The following ROBO2 variants were observed in gnomAD, a reference collection of about 807,000 sequenced individuals.
ROBO2 encodes the protein roundabout guidance receptor 2, also known as roundabout homolog 2.
A neutral mutation model predicts 160.8 loss-of-function variants in ROBO2; 53 were observed. That is an observed-to-expected ratio of 0.33 (90% confidence interval 0.26 to 0.41). The LOEUF is 0.41. Ranked by LOEUF, ROBO2 falls within the 10% of genes least tolerant of loss-of-function variation. ROBO2 has a pLI of 1.00. For synonymous variants in ROBO2, 664 were observed against 611.7 expected (o/e 1.09, Z -1.26); for missense variants, 1,577 against 1,722.4 (o/e 0.92, Z 1.49).
chr3:76,683,480 A>T (rs1456706590), intron 2 of ROBO2, among the ~76,000 whole-genome samples: 1 of 150,878 alleles, frequency 6.6e-6, no homozygotes, highest in Non-Finnish European at 1.5e-5. Context: ...AAAAAAAAAA[A>T]CCTGGAAAAC....
intron 2 of ROBO2, among the ~76,000 whole-genome samples, chr3:76,977,662 G>A (rs894389217): frequency 2.6e-5 from 4 of 152,068 alleles, no homozygotes; most frequent in African/African-American, 7.2e-5. Flanking sequence ...CTGATAAGAG[G>A]AAAGCTATAA....
intron 2 of ROBO2, among the ~76,000 whole-genome samples, chr3:76,239,174 T>C (rs980992862): frequency 2.0e-5 from 3 of 151,546 alleles, no homozygotes; most frequent in South Asian, 4.3e-4. Flanking sequence ...ATGGTAGTTA[T>C]AGAGATAGAG....
chr3:77,637,912 T>A (rs1256335674), intron 24 of ROBO2, among the ~76,000 whole-genome samples: 2 of 152,188 alleles, frequency 1.3e-5, no homozygotes, highest in Admixed American at 6.5e-5. Flanking sequence ...CTTATCTTTC[T>A]AAAAAATAAA....
At chr3:76,705,409 G>T (rs2093139562) in intron 2 of ROBO2, among the ~76,000 whole-genome samples, 1 of 152,014 alleles carries the variant, frequency 6.6e-6, no homozygotes, top group Non-Finnish European at 1.5e-5. Flanking sequence ...TACGTAAAGG[G>T]GTATGTGTGT....
rs188921182 is a variant in ROBO2, at chr3:77,044,199, C to A, written c.61+3353C>A. ...AAAAGTAATGATTATATAAAAAGAG[C>A]AGTTCTGGCCATCTCATCCCTGAGC... is the stretch of plus-strand genomic sequence containing the variant. On this transcript the variant is annotated intron_variant, in intron 1 of 25. Transcript: ENST00000461745. Among the ~76,000 whole-genome samples, 219 of 151,554 alleles carry A rather than the reference C, an allele frequency of 1.4e-3. 1 individual carries two copies. The highest frequency in any genetic ancestry group is 2.2e-3 in the Non-Finnish European group (151 of 67,924).
intron 2 of ROBO2, among the ~76,000 whole-genome samples, chr3:77,190,939 G>GA (rs911269997): frequency 3.3e-5 from 5 of 151,836 alleles, no homozygotes; most frequent in Non-Finnish European, 7.4e-5. Flanking sequence ...ATGAACCTCA[G>GA]AAAAAAATGC....
At chr3:76,737,430 C>T (rs901782620) in intron 2 of ROBO2, among the ~76,000 whole-genome samples, 8 of 151,666 alleles carry the variant, frequency 5.3e-5, no homozygotes, top group African/African-American at 1.9e-4. Context: ...TGGAATCCAA[C>T]AATAGGAAAC....
chr3:77,445,763 T>A (rs747104278), intron 2 of ROBO2, among the ~76,000 whole-genome samples: 7 of 150,852 alleles, frequency 4.6e-5, no homozygotes, highest in Non-Finnish European at 1.0e-4. Flanking sequence ...AAGGTACCAG[T>A]TGCTTTTAAA....
At chr3:76,227,685 T>C (rs1575990769) in intron 2 of ROBO2, among the ~76,000 whole-genome samples, 1 of 152,202 alleles carries the variant, frequency 6.6e-6, no homozygotes, top group East Asian at 1.9e-4. Flanking sequence ...TCTCTACTAC[T>C]TGGCTATCTA....
intron 2 of ROBO2, among the ~76,000 whole-genome samples, chr3:76,014,708 A>T (rs765548540): frequency 7.9e-5 from 12 of 152,166 alleles, no homozygotes; most frequent in Non-Finnish European, 1.5e-4. Context: ...TGGGATGATC[A>T]CTTTAGCCCA....
chr3:77,527,528 A>T (rs1280050708), intron 6 of ROBO2, 114 bp downstream of exon 7: 1 of 770,914 alleles, frequency 1.3e-6, no homozygotes, highest in East Asian at 7.0e-5. Context: ...TTAAAATAAT[A>T]CTTGAGACTG....
intron 2 of ROBO2, among the ~76,000 whole-genome samples, chr3:76,739,626 A>T (rs2093770520): frequency 6.8e-6 from 1 of 146,014 alleles, no homozygotes; most frequent in Non-Finnish European, 1.6e-5. Context: ...TAAAAGTATA[A>T]TTAAAAAAAA....
chr3:77,491,718 T>C (rs1372956787), intron 4 of ROBO2, among the ~76,000 whole-genome samples: 1 of 152,188 alleles, frequency 6.6e-6, no homozygotes, highest in African/African-American at 2.4e-5. Flanking sequence ...TATGGATCGT[T>C]TGTCAATTCT....
intron 2 of ROBO2, among the ~76,000 whole-genome samples, chr3:77,001,369 G>C (rs1173190044): frequency 1.3e-5 from 2 of 152,108 alleles, no homozygotes; most frequent in Non-Finnish European, 2.9e-5. Flanking sequence ...GTCAACATAT[G>C]CTCTAAATTT....
intron 2 of ROBO2, among the ~76,000 whole-genome samples, chr3:76,589,814 A>C (rs1020387901): frequency 6.6e-6 from 1 of 152,186 alleles, no homozygotes; most frequent in African/African-American, 2.4e-5. Flanking sequence ...CCAGAGCTGT[A>C]ATCCAAAAAT....
chr3:77,591,773 C>A (rs907872149), intron 17 of ROBO2, among the ~76,000 whole-genome samples: 2 of 152,100 alleles, frequency 1.3e-5, no homozygotes, highest in Non-Finnish European at 2.9e-5. Flanking sequence ...GTGACAAGAG[C>A]AAGATTGTCT....
At position 76,598,316 on chromosome 3, in the gene ROBO2, GTTTTT is replaced by G. The variant is rs1188491019; in HGVS notation, c.110-499695_110-499691del. Among the ~76,000 whole-genome samples, 3 of 152,014 alleles carry G rather than the reference GTTTTT, an allele frequency of 2.0e-5. No individual in the cohort carries two copies. In the South Asian group the frequency reaches 6.2e-4, roughly 32 times the overall value. On this transcript the variant is annotated intron_variant, in intron 2 of 26. Coordinates refer to the ROBO2 transcript ENST00000487694. ...GTGGTTTTTTTTGTTTGTTTGTTTT[GTTTTT>G]TTGTTGTTGTTTTTAATAAAAGGAG...
At chr3:77,373,258 G>C (rs577565925) in intron 2 of ROBO2, among the ~76,000 whole-genome samples, 118 of 149,720 alleles carry the variant, frequency 7.9e-4, no homozygotes, top group African/African-American at 2.7e-3. Context: ...AAGTATTAGA[G>C]GGAAATATCC....
chr3:76,965,645 T>C (rs1215136820), intron 2 of ROBO2, among the ~76,000 whole-genome samples: 1 of 150,314 alleles, frequency 6.7e-6, no homozygotes, highest in Non-Finnish European at 1.5e-5. Context: ...CTCTGTCTTC[T>C]AGTTCTCATA....
Sources: allele counts gnomAD v4.1 joint callset (sites outside exome capture counted in the v4.1 genomes callset), GRCh38; gene constraint gnomAD v4.1.1; transcripts MANE v1.5; gene names NCBI Gene and HGNC (gene_info 2026-07-23, HGNC 2026-07-21).